Variants in GFRA1 observed in about 807,000 individuals in gnomAD.
The protein encoded by GFRA1 is GDNF family receptor alpha 1, also known as GDNF family receptor alpha-1.
A neutral mutation model predicts 51.6 loss-of-function variants in GFRA1; 16 were observed. The ratio of observed to expected loss-of-function variants is 0.31; its 90% CI spans 0.21 to 0.47. The LOEUF (loss-of-function observed/expected upper bound fraction) is 0.47. GFRA1 is among the 20% of genes least tolerant of loss of function. The pLI is 1.00. For synonymous variants in GFRA1, 270 were observed against 241.3 expected (o/e 1.12, Z -1.10); for missense variants, 530 against 594.3 (o/e 0.89, Z 1.13).
At chr10:116,143,334 T>TA (rs34109837) in intron 5 of GFRA1, among the ~76,000 whole-genome samples, 68,715 of 144,398 alleles carry the variant, frequency 0.48, 18,952 homozygotes, top group Middle Eastern at 0.61. Flanking sequence ...TTTTTTTAAT[T>TA]AAAAAAAAAA....
At chr10:116,079,310 G>A (rs948083642) in intron 9 of GFRA1, among the ~76,000 whole-genome samples, 2 of 152,102 alleles carry the variant, frequency 1.3e-5, no homozygotes, top group Admixed American at 6.5e-5. Flanking sequence ...TGTTATGACA[G>A]CCCAAATGGA....
chr10:116,190,282 G>A (rs2134319045), intron 5 of GFRA1, among the ~76,000 whole-genome samples: 1 of 152,332 alleles, frequency 6.6e-6, no homozygotes, highest in Non-Finnish European at 1.5e-5. Context: ...AACACTTAGA[G>A]GGTGTTTGAA....
At chr10:116,253,513 C>A (rs2134710469) in intron 4 of GFRA1, among the ~76,000 whole-genome samples, 1 of 152,172 alleles carries the variant, frequency 6.6e-6, no homozygotes, top group Non-Finnish European at 1.5e-5. Flanking sequence ...GAGGCTGAGG[C>A]AGGAGAATCG....
chr10:116,078,593 T>C (rs1454274442), intron 9 of GFRA1, among the ~76,000 whole-genome samples: 1 of 152,120 alleles, frequency 6.6e-6, no homozygotes, highest in Non-Finnish European at 1.5e-5. Flanking sequence ...CTCCAACAGC[T>C]CATTCCTCCT....
chr10:116,078,539 T>C (rs915553962), intron 9 of GFRA1, among the ~76,000 whole-genome samples: 1 of 152,076 alleles, frequency 6.6e-6, no homozygotes, highest in African/African-American at 2.4e-5. Context: ...GTAGTCTAGG[T>C]GAGGGGCCTT....
chr10:116,195,399 C>T lies in GFRA1; in HGVS notation c.433+16232G>A, dbSNP rs77574886. Among the ~76,000 whole-genome samples the T allele has an allele frequency of 8.9e-3, 1,353 of 152,242 alleles. 28 individuals are homozygous for T. Among genetic ancestry groups the T allele is most frequent in the African/African-American group, 0.031 (1,296 of 41,532 alleles). ...CCTTTTTGGCACCAGAGATAGGTTT[C>T]GTGGAAGACAACTTTTCCATGCAAG... On this transcript the variant is annotated intron_variant, in intron 5 of 10. Transcript: ENST00000355422.
At chr10:116,206,188 G>A (rs1253311417) in intron 5 of GFRA1, among the ~76,000 whole-genome samples, 1 of 152,070 alleles carries the variant, frequency 6.6e-6, no homozygotes, top group Non-Finnish European at 1.5e-5. Flanking sequence ...TGTTTACCTG[G>A]AAGTGGTAAA....
intron 5 of GFRA1, among the ~76,000 whole-genome samples, chr10:116,202,524 C>A (rs1002922636): frequency 2.0e-5 from 3 of 152,052 alleles, no homozygotes; most frequent in Admixed American, 2.0e-4. Context: ...AAGAACTAAC[C>A]GAGACTGGGT....
intron 5 of GFRA1, among the ~76,000 whole-genome samples, chr10:116,193,707 C>T (rs76477492): frequency 0.014 from 2,107 of 152,232 alleles, 58 homozygotes; most frequent in African/African-American, 0.048. Context: ...ACCTGCCTCC[C>T]CAGATTACCT....
intron 4 of GFRA1, among the ~76,000 whole-genome samples, chr10:116,233,569 C>T (rs1423782366): frequency 6.6e-6 from 1 of 152,088 alleles, no homozygotes; most frequent in African/African-American, 2.4e-5. Context: ...GCCCATGGCC[C>T]CCTCCCCAAC....
intron 5 of GFRA1, among the ~76,000 whole-genome samples, chr10:116,201,471 C>CT (rs1964325894): frequency 6.6e-6 from 1 of 152,138 alleles, no homozygotes; most frequent in African/African-American, 2.4e-5. Context: ...CAACACTATA[C>CT]TTGTTTTGGT....
At chr10:116,093,057 C>T (rs535844215) in intron 8 of GFRA1, among the ~76,000 whole-genome samples, 27 of 152,268 alleles carry the variant, frequency 1.8e-4, no homozygotes, top group African/African-American at 6.3e-4. Flanking sequence ...GCAGTAAGAA[C>T]GGATTCTGCT....
chr10:116,198,979 C>G (rs1299450327), intron 5 of GFRA1, among the ~76,000 whole-genome samples: 2 of 152,082 alleles, frequency 1.3e-5, no homozygotes, highest in Non-Finnish European at 2.9e-5. Context: ...GAGACAAAGA[C>G]CATGTGATGA....
intron 5 of GFRA1, among the ~76,000 whole-genome samples, chr10:116,168,898 C>T (rs1342897125): frequency 1.3e-5 from 2 of 152,176 alleles, no homozygotes; most frequent in Non-Finnish European, 2.9e-5. Flanking sequence ...GCTATGTAAA[C>T]AATTTCTCAG....
chr10:116,259,657 A>G (rs1350827731), intron 4 of GFRA1, among the ~76,000 whole-genome samples: 1 of 152,230 alleles, frequency 6.6e-6, no homozygotes, highest in Non-Finnish European at 1.5e-5. Flanking sequence ...GCTGGGAATT[A>G]AAGAGGGAGA....
In GFRA1 at chr10:116,058,041, T is replaced by TGTGTGGCAGAGA; in HGVS notation, c.*6356_*6357insTCTCTGCCACAC. On this transcript the variant is annotated 3_prime_UTR_variant, in exon 11 of 11. Coordinates refer to ENST00000355422, the MANE Select transcript of GFRA1 (RefSeq NM_005264.8). Reference sequence around the variant, plus strand: ...GTGTGTGTGTGTGTGTGTGTGTGTGTGACAGAGAGAACCACGCTTTATTGG... The same window carrying TGTGTGGCAGAGA: ...GTGTGTGTGTGTGTGTGTGTGTGTGTGTGTGGCAGAGAGACAGAGAGAACCACGCTTTATTGG... 9.2e-6 allele frequency: 1 copy of TGTGTGGCAGAGA among 108,510 alleles called. No homozygotes were observed. Among genetic ancestry groups the TGTGTGGCAGAGA allele is most frequent in the African/African-American group, 3.8e-5 (1 of 26,662 alleles). The allele number at this position is 108,510 out of a possible 1,614,324, so 6.7% of individuals were successfully genotyped here.
intron 7 of GFRA1, among the ~76,000 whole-genome samples, chr10:116,094,856 A>G (rs1956506268): frequency 6.6e-6 from 1 of 152,210 alleles, no homozygotes; most frequent in South Asian, 2.1e-4. Context: ...TGAGAAAGGA[A>G]CAGGCACCCT....
intron 4 of GFRA1, among the ~76,000 whole-genome samples, chr10:116,238,010 C>A (rs1309536042): frequency 6.6e-6 from 1 of 152,178 alleles, no homozygotes; most frequent in Non-Finnish European, 1.5e-5. Flanking sequence ...AGCTCTTCCT[C>A]GACCAAGCAG....
At chr10:116,274,582 G>A (rs1159742038), upstream of GFRA1, among the ~76,000 whole-genome samples, 1 of 152,116 alleles carries the variant, frequency 6.6e-6, no homozygotes, top group Non-Finnish European at 1.5e-5. Flanking sequence ...GCTTGCAGGC[G>A]GGCTGCATAT....
Sources: gnomAD v4.1 joint callset for allele counts (sites outside exome capture counted in the v4.1 genomes callset) on GRCh38, gnomAD v4.1.1 for gene constraint, MANE v1.5 for transcripts, NCBI Gene and HGNC (gene_info 2026-07-23, HGNC 2026-07-21) for gene names.